Variants in HECTD4 observed in about 807,000 individuals in gnomAD.
HECTD4 encodes HECT domain E3 ubiquitin protein ligase 4.
HECTD4 carries 114 observed loss-of-function variants against 471.5 expected under a neutral mutation model. The ratio of observed to expected loss-of-function variants is 0.24; its 90% CI spans 0.21 to 0.28. The LOEUF (loss-of-function observed/expected upper bound fraction) is 0.28. Among genes scored for constraint, HECTD4 ranks in the 10% least tolerant of loss-of-function variants. The pLI is 1.00. For synonymous variants in HECTD4, 2,012 were observed against 2,256.0 expected (o/e 0.89, Z 3.07); for missense variants, 3,866 against 5,651.5 (o/e 0.68, Z 10.13).
intron 1 of HECTD4, among the ~76,000 whole-genome samples, chr12:112,372,271 T>A (rs1040112244): frequency 1.3e-5 from 2 of 151,788 alleles, no homozygotes; most frequent in African/African-American, 4.8e-5. Context: ...ATTTTTTTTA[T>A]TTTTTTAAGA....
Position 112,179,230 on chromosome 12 carries a change from G to A in HECTD4, c.11155C>T (p.Leu3719Phe). 1 of 1,613,872 alleles carries A rather than the reference G, an allele frequency of 6.2e-7. No homozygotes were observed. Among genetic ancestry groups the A allele is most frequent in the Non-Finnish European group, 8.5e-7 (1 of 1,179,852 alleles). ...NSQTPGNLLH[L>F]FFTNVRPPKK... ...GGCGGCCGGACATTGGTGAAGAAGA[G>A]GTGGAGGAGGTTGCCTGGGGTCTGG... is the stretch of plus-strand genomic sequence containing the variant. The change falls in exon 63 of 76, where the codon CTC becomes TTC. Residue 3719 changes from leucine to phenylalanine, a missense_variant. By Grantham distance (22) the Leu-to-Phe change is conservative. Coordinates refer to ENST00000682272, the MANE Select transcript of HECTD4 (RefSeq NM_001388303.1). This position sits in a 1 kb window ranked among gnomAD's most constrained non-coding sequence, Gnocchi z 4.3.
At position 112,331,157 on chromosome 12, in the gene HECTD4, G is replaced by A. The variant is rs182408419; in HGVS notation, c.178-11415C>T. On this transcript the variant is annotated intron_variant, in intron 1 of 75. Coordinates refer to ENST00000682272, the MANE Select transcript of HECTD4 (RefSeq NM_001388303.1). ...CATGATCTCGACTCATGCAACTGCC[G>A]CCTCCCGGATTCAAGTGATTCTCAT... Among the ~76,000 whole-genome samples the A allele has an allele frequency of 4.6e-5, 7 of 152,144 alleles. No homozygotes were observed. The East Asian group carries it at 7.7e-4, about 17-fold the overall frequency.
At position 112,270,338 on chromosome 12, in the gene HECTD4, G is replaced by T; in HGVS notation, c.2064C>A (p.Gly688=). The T allele has an allele frequency of 6.2e-7, 1 of 1,614,034 alleles. No homozygotes were observed. Among genetic ancestry groups the T allele is most frequent in the Non-Finnish European group, 8.5e-7 (1 of 1,179,896 alleles). ...NPNLPITSVL[G]KQHPIEAHHL... ...GATGTGCTTCAATTGGATGCTGCTT[G>T]CCCAAGACACTTGTGATTGGAAGAT... is the stretch of plus-strand genomic sequence containing the variant. The change falls in exon 12 of 76, where the codon GGC becomes GGA. Residue 688 remains glycine, a synonymous_variant. Transcript: ENST00000682272.
At chr12:112,240,430 G>C (rs919656766) in intron 32 of HECTD4, among the ~76,000 whole-genome samples, 1 of 151,816 alleles carries the variant, frequency 6.6e-6, no homozygotes, top group African/African-American at 2.4e-5. Flanking sequence ...AATACTGTAA[G>C]TGCTTTTTCT....
intron 1 of HECTD4, among the ~76,000 whole-genome samples, chr12:112,331,102 C>T (rs1350332210): frequency 2.0e-5 from 3 of 152,024 alleles, no homozygotes; most frequent in African/African-American, 2.4e-5. Context: ...GATGGAGTCT[C>T]GCTGTATCAC....
At chr12:112,199,410 T>C (rs953667286) in intron 55 of HECTD4, among the ~76,000 whole-genome samples, 2 of 152,194 alleles carry the variant, frequency 1.3e-5, no homozygotes, top group Non-Finnish European at 2.9e-5. Context: ...TCTTGCCGTC[T>C]AGATAGATAA....
chr12:112,369,048 C>A (rs1189529645), intron 1 of HECTD4, among the ~76,000 whole-genome samples: 1 of 152,162 alleles, frequency 6.6e-6, no homozygotes, highest in East Asian at 1.9e-4. Context: ...TGGCACTATC[C>A]ACAAACCATC....
At chr12:112,233,881 T>C (rs570314244) in intron 37 of HECTD4, among the ~76,000 whole-genome samples, 1 of 152,310 alleles carries the variant, frequency 6.6e-6, no homozygotes, top group East Asian at 1.9e-4. Flanking sequence ...ACACCCTGTG[T>C]GTTTCTCCCT....
At chr12:112,200,852 T>TGTGCGTGCGTGCGTGTGTGTGTGC in intron 54 of HECTD4, 54 bp from the exon 55 acceptor site, 2 of 1,545,850 alleles carry the variant, frequency 1.3e-6, no homozygotes, top group Non-Finnish European at 1.8e-6. Context: ...GTTTTCCATG[T>TGTGCGTGCGTGCGTGTGTGTGTGC]GTGCGTGCGT....
At position 112,194,460 on chromosome 12, in the gene HECTD4, GCCAAGGGCA is replaced by G. The variant is rs1271919513; in HGVS notation, c.8749+416_8749+424del. ...ACTGGGGATCAGACACAGCCCTCAT[GCCAAGGGCA>G]CACAGGCTGGCCTTTGGAACAGCCT... On this transcript the variant is annotated intron_variant, in intron 56 of 75. Transcript: ENST00000682272. This position sits in a 1 kb window ranked among gnomAD's most constrained non-coding sequence, Gnocchi z 4.6. Among the ~76,000 whole-genome samples, 2 of 152,208 alleles carry G rather than the reference GCCAAGGGCA, an allele frequency of 1.3e-5. No individual in the cohort carries two copies. Among genetic ancestry groups the G allele is most frequent in the African/African-American group, 4.8e-5 (2 of 41,448 alleles).
chr12:112,366,970 T>A (rs1316388959), intron 1 of HECTD4, among the ~76,000 whole-genome samples: 1 of 149,332 alleles, frequency 6.7e-6, no homozygotes, highest in Non-Finnish European at 1.5e-5. Flanking sequence ...ACACTGCCAA[T>A]ACTACTTGGG....
chr12:112,266,049 A>T, intron 14 of HECTD4, 66 bp from the exon 15 acceptor site: 2 of 1,175,056 alleles, frequency 1.7e-6, no homozygotes, highest in Non-Finnish European at 2.5e-6. Context: ...TGCTATTTTT[A>T]AAAAGTTTTT....
rs2034384351 is a variant in HECTD4, at chr12:112,270,245, G to A, written c.2157C>T (p.Cys719=). 2.5e-6 allele frequency: 4 copies of A among 1,612,742 alleles called. No individual in the cohort carries two copies. Among genetic ancestry groups the A allele is most frequent in the East Asian group, 4.5e-5 (2 of 44,878 alleles). The change falls in exon 12 of 76, where the codon TGC becomes TGT. Residue 719 remains cysteine (C), a synonymous_variant. Coordinates refer to ENST00000682272, the MANE Select transcript of HECTD4 (RefSeq NM_001388303.1). ...MVNGDTCIIR[C]ILVVFQVVFK... is the part of the protein sequence containing the mutation. ...TATTTACCTGAAAGACAACGAGAAT[G>A]CAGCGTATAATACAGGTATCTCCAT...
intron 51 of HECTD4, 121 bp from the exon 52 acceptor site, chr12:112,208,121 A>T: frequency 8.5e-7 from 1 of 1,172,122 alleles, no homozygotes; most frequent in East Asian, 2.6e-5. Context: ...TAATAGAAAG[A>T]TCAGACATAG....
intron 43 of HECTD4, among the ~76,000 whole-genome samples, chr12:112,227,261 A>T (rs1289375940): frequency 6.6e-6 from 1 of 152,178 alleles, no homozygotes; most frequent in African/African-American, 2.4e-5. Context: ...GGAGTTTCAG[A>T]CCAGCCTGGC....
chr12:112,378,471 G>A lies in HECTD4; in HGVS notation c.177+3481C>T, dbSNP rs563393462. ...AATCTCCTGACCTTGTGATTCGCCC[G>A]TCTTGGTCTCCCAAATTGCTGGGAT... On this transcript the variant is annotated intron_variant, in intron 1 of 75. Coordinates refer to ENST00000682272, the MANE Select transcript of HECTD4 (RefSeq NM_001388303.1). 2.6e-5 allele frequency among the ~76,000 whole-genome samples: 4 copies of A among 151,830 alleles called. No homozygotes were observed. The East Asian group carries it at 7.8e-4, about 30-fold the overall frequency.
At chr12:112,371,800 C>T (rs2036677620) in intron 1 of HECTD4, among the ~76,000 whole-genome samples, 1 of 147,630 alleles carries the variant, frequency 6.8e-6, no homozygotes, top group African/African-American at 2.5e-5. Flanking sequence ...GCAGGAGAAT[C>T]GCTTAAACCC....
intron 55 of HECTD4, 117 bp downstream of exon 55, chr12:112,200,521 T>C (rs1480693480): frequency 9.0e-7 from 1 of 1,116,574 alleles, no homozygotes. Context: ...CTGCCTTCTC[T>C]AAGTGTTAGC....
chr12:112,178,181 CAGCTTCTTGAGT>C (rs1278107945), intron 64 of HECTD4, among the ~76,000 whole-genome samples: 1 of 152,150 alleles, frequency 6.6e-6, no homozygotes, highest in African/African-American at 2.4e-5. Context: ...CCTCCTGCCT[CAGCTTCTTGAGT>C]AGCTTCTTGA....
Sources: allele counts gnomAD v4.1 joint callset (sites outside exome capture counted in the v4.1 genomes callset), GRCh38; gene constraint gnomAD v4.1.1; non-coding constraint Gnocchi (gnomAD v3.1); transcripts MANE v1.5; gene names NCBI Gene and HGNC (gene_info 2026-07-23, HGNC 2026-07-21).